SRP72: variants seen among roughly 807,000 people sequenced by gnomAD.
SRP72 encodes signal recognition particle 72, also known as signal recognition particle subunit SRP72.
SRP72 carries 49 observed loss-of-function variants against 96.3 expected under a neutral mutation model. The ratio of observed to expected loss-of-function variants is 0.51; its 90% confidence interval spans 0.40 to 0.65. The LOEUF (loss-of-function observed/expected upper bound fraction) is 0.65. Among genes scored for constraint, SRP72 ranks in the 30% least tolerant of loss-of-function variants. The probability of loss-of-function intolerance (pLI) is 0.00; values close to 1 mark genes in which losing one functional copy is unlikely to be tolerated. For missense variants in SRP72, 736 were observed against 793.3 expected (o/e 0.93, Z 0.87); for synonymous variants, 267 against 275.2 (o/e 0.97, Z 0.30).
intron 6 of SRP72, chr4:56,477,259 A>C (rs927131648): frequency 6.8e-6 from 1 of 147,312 alleles, no homozygotes; most frequent in East Asian, 2.0e-4. Flanking sequence ...TTACATTGAA[A>C]TATGTCTCTT....
At chr4:56,474,684 T>C (rs1442129678) in intron 5 of SRP72, among the ~76,000 whole-genome samples, 1 of 151,844 alleles carries the variant, frequency 6.6e-6, no homozygotes, top group East Asian at 1.9e-4. Flanking sequence ...GCTGGGATTA[T>C]AGGTGCGCGT....
rs776267542 is a variant in SRP72, at chr4:56,489,516, T to G, written c.1320+33T>G. ...AATGGAGTAAAATGTTATGAGAGCA[T>G]GTTTTTACATAAAAATAAAGATGGA... On this transcript the variant is annotated intron_variant, in intron 13 of 18. Transcript: ENST00000642900. 10 of 1,326,044 alleles carry G rather than the reference T, an allele frequency of 7.5e-6. No homozygotes were observed. The East Asian group carries it at 2.3e-4, about 31-fold the overall frequency. 82.1% of individuals were successfully genotyped at this position (1,326,044 alleles called of 1,614,324 possible).
intron 17 of SRP72, 92 bp from the exon 18 acceptor site, chr4:56,500,444 G>A: frequency 8.0e-7 from 1 of 1,253,044 alleles, no homozygotes; most frequent in Non-Finnish European, 1.1e-6. Flanking sequence ...CCATTTTAAT[G>A]TTATTTATTC....
At chr4:56,468,358 A>G (rs538864926) in intron 1 of SRP72, among the ~76,000 whole-genome samples, 5 of 152,244 alleles carry the variant, frequency 3.3e-5, no homozygotes, top group Non-Finnish European at 7.3e-5. Context: ...AACACTTGAA[A>G]TAATGTCGGA....
chr4:56,484,334 G>A (rs1375007049), intron 9 of SRP72, among the ~76,000 whole-genome samples: 7 of 151,864 alleles, frequency 4.6e-5, no homozygotes, highest in Admixed American at 3.9e-4. Context: ...ACGCCCGGCC[G>A]AGAGACAGTA....
chr4:56,470,314 G>A (rs912164873), intron 2 of SRP72, among the ~76,000 whole-genome samples: 1 of 152,122 alleles, frequency 6.6e-6, no homozygotes, highest in Admixed American at 6.5e-5. Flanking sequence ...GCCTAAGAGG[G>A]CGGATCACGA....
At position 56,501,549 on chromosome 4, in the gene SRP72, G is replaced by A. The variant is rs1306000456; in HGVS notation, c.1839-135G>A. ...TCAAAAGAAAAGTCGATAGGGAGTT[G>A]GGGAGCTTACCTTAAAAGAAGTAGA... On this transcript the variant is annotated intron_variant, in intron 18 of 18. Coordinates refer to ENST00000642900, the MANE Select transcript of SRP72 (RefSeq NM_006947.4). 4.2e-6 allele frequency: 3 copies of A among 714,086 alleles called. No individual in the cohort carries two copies. In the African/African-American group the frequency reaches 5.4e-5, roughly 13 times the overall value. The allele number at this position is 714,086 out of a possible 1,614,324, so 44.2% of individuals were successfully genotyped here. A position where few individuals can be genotyped will look rare whatever the true frequency, so the allele number is the denominator to read the frequency against.
chr4:56,478,154 C>G (rs7690100), intron 6 of SRP72, among the ~76,000 whole-genome samples: 1 of 115,782 alleles, frequency 8.6e-6, no homozygotes, highest in East Asian at 2.5e-4. Flanking sequence ...TTTGCCTTTT[C>G]TTTTTTTTTT....
intron 2 of SRP72, among the ~76,000 whole-genome samples, chr4:56,470,836 T>G (rs1166115617): frequency 6.6e-6 from 1 of 151,610 alleles, no homozygotes; most frequent in Non-Finnish European, 1.5e-5. Flanking sequence ...AAGTTTTTTT[T>G]TTTTTTTTTT....
chr4:56,471,878 T>C (rs377302097), intron 3 of SRP72, 35 bp downstream of exon 3: 38 of 1,610,784 alleles, frequency 2.4e-5, no homozygotes, highest in African/African-American at 4.0e-5. Flanking sequence ...TTGACAGTGA[T>C]ACTGAGTGAG....
intron 8 of SRP72, among the ~76,000 whole-genome samples, chr4:56,482,285 C>CAA (rs536857516): frequency 0.14 from 18,051 of 133,708 alleles, 1,431 homozygotes; most frequent in East Asian, 0.28. Context: ...ACTAAAAATA[C>CAA]AAAAAAAAAA....
At chr4:56,476,783 T>C in intron 6 of SRP72, 81 bp downstream of exon 6, 1 of 1,454,658 alleles carries the variant, frequency 6.9e-7, no homozygotes, top group South Asian at 1.2e-5. Context: ...TACTATTTAT[T>C]GACTTTTTTT....
At chr4:56,496,860 G>A (rs1040303193) in intron 17 of SRP72, among the ~76,000 whole-genome samples, 15 of 152,102 alleles carry the variant, frequency 9.9e-5, no homozygotes, top group African/African-American at 2.9e-4. Context: ...GTACTCATGC[G>A]TGCCTGTAAT....
chr4:56,487,355 C>G (rs1242586314), intron 11 of SRP72, among the ~76,000 whole-genome samples: 1 of 152,162 alleles, frequency 6.6e-6, no homozygotes. Flanking sequence ...TTCCTTGTCT[C>G]TTTTTCCTTC....
intron 15 of SRP72, 53 bp downstream of exon 15, chr4:56,490,698 T>G: frequency 1.5e-5 from 21 of 1,402,862 alleles, no homozygotes; most frequent in Non-Finnish European, 2.0e-5. Flanking sequence ...AATAGATCTC[T>G]TCTGATATCT....
intron 1 of SRP72, among the ~76,000 whole-genome samples, chr4:56,468,549 T>C (rs188506031): frequency 6.6e-6 from 1 of 152,226 alleles, no homozygotes; most frequent in African/African-American, 2.4e-5. Context: ...CCTGTGCATG[T>C]TAGATTTGGA....
intron 16 of SRP72, among the ~76,000 whole-genome samples, chr4:56,493,979 C>T (rs1269590325): frequency 6.6e-6 from 1 of 152,174 alleles, no homozygotes; most frequent in Non-Finnish European, 1.5e-5. Context: ...AGGGAATAGT[C>T]ACTTCTTCCT....
intron 5 of SRP72, among the ~76,000 whole-genome samples, chr4:56,475,410 A>G (rs1197463523): frequency 2.0e-5 from 3 of 151,504 alleles, no homozygotes; most frequent in East Asian, 1.9e-4. Flanking sequence ...AAAAATATAT[A>G]TGTGGCCGAG....
At chr4:56,481,217 T>G (rs1364933967) in intron 8 of SRP72, among the ~76,000 whole-genome samples, 1 of 152,210 alleles carries the variant, frequency 6.6e-6, no homozygotes, top group Non-Finnish European at 1.5e-5. Context: ...TAAGAAAAAG[T>G]AGAATTTATT....
Sources: allele counts gnomAD v4.1 joint callset (sites outside exome capture counted in the v4.1 genomes callset), GRCh38; gene constraint gnomAD v4.1.1; transcripts MANE v1.5; gene names NCBI Gene and HGNC (gene_info 2026-07-23, HGNC 2026-07-21).